ABLIM2: variants seen among roughly 807,000 people sequenced by gnomAD.
ABLIM2 encodes actin binding LIM protein family member 2.
A neutral mutation model predicts 97.7 loss-of-function variants in ABLIM2; 53 were observed. The ratio of observed to expected loss-of-function variants is 0.54; its 90% CI spans 0.44 to 0.68. The LOEUF is 0.68. Among genes scored for constraint, ABLIM2 ranks in the 30% least tolerant of loss-of-function variants. ABLIM2 has a pLI of 0.00. For missense variants in ABLIM2, 835 were observed against 867.2 expected (o/e 0.96, Z 0.47); for synonymous variants, 361 against 345.8 (o/e 1.04, Z -0.49).
chr4:8,047,753 C>G (rs1468132967), intron 8 of ABLIM2, among the ~76,000 whole-genome samples: 2 of 152,240 alleles, frequency 1.3e-5, no homozygotes, highest in African/African-American at 4.8e-5. Context: ...GCAACAGCTC[C>G]CTGAACGGGC....
chr4:8,073,222 G>T (rs1230245909), intron 6 of ABLIM2, among the ~76,000 whole-genome samples: 2 of 151,356 alleles, frequency 1.3e-5, no homozygotes, highest in Non-Finnish European at 2.9e-5. Context: ...AGGGGTGGGG[G>T]TGGTGTGCGG....
In ABLIM2 at chr4:8,044,694, A is replaced by ATCTCTCTCT. The variant is rs1560909749; in HGVS notation, c.900+469_900+470insAGAGAGAGA. 1.3e-4 allele frequency among the ~76,000 whole-genome samples: 20 copies of ATCTCTCTCT among 149,628 alleles called. No homozygotes were observed. Among genetic ancestry groups the ATCTCTCTCT allele is most frequent in the African/African-American group, 3.7e-4 (15 of 40,408 alleles). ...GTCTCTCTCTCTCTCTCTCTCTCGA[A>ATCTCTCTCT]CGAACGAAAACGGGATCACATAATT... On this transcript the variant is annotated intron_variant, in intron 9 of 20. Transcript: ENST00000447017. This position sits in a 1 kb window ranked among gnomAD's most constrained non-coding sequence, Gnocchi z 4.4.
chr4:8,136,861 G>T (rs1850263025), intron 1 of ABLIM2, among the ~76,000 whole-genome samples: 1 of 152,246 alleles, frequency 6.6e-6, no homozygotes, highest in African/African-American at 2.4e-5. Flanking sequence ...ACCAAGTCCT[G>T]TCACTCGCTA....
At chr4:8,050,665 G>C (rs527451644) in intron 8 of ABLIM2, among the ~76,000 whole-genome samples, 1 of 152,304 alleles carries the variant, frequency 6.6e-6, no homozygotes, top group East Asian at 1.9e-4. Flanking sequence ...CTCCTTAACT[G>C]GCTTGCACCT....
chr4:8,009,400 G>GT (rs1472408064), intron 14 of ABLIM2, among the ~76,000 whole-genome samples: 2 of 152,048 alleles, frequency 1.3e-5, no homozygotes, highest in East Asian at 1.9e-4. Context: ...ATTTTGTTTT[G>GT]TTTTTTGTTT....
At chr4:8,151,655 A>G (rs1712827657) in intron 1 of ABLIM2, among the ~76,000 whole-genome samples, 1 of 152,236 alleles carries the variant, frequency 6.6e-6, no homozygotes, top group African/African-American at 2.4e-5. Flanking sequence ...GTCAGAAGAA[A>G]GCAGGGTTGT....
Position 8,021,404 on chromosome 4 carries a change from A to C in ABLIM2, c.1268-1101T>G, listed in dbSNP as rs1773613018. ...ATGAGAGAAGGTGTACGCTCCCTGC[A>C]GAAGACACTCCCAAGGCCCCGTTCC... On this transcript the variant is annotated intron_variant, in intron 12 of 20. Transcript: ENST00000447017. The surrounding 1 kb of genome is among the most constrained non-coding windows in gnomAD (Gnocchi z 5.5). Among the ~76,000 whole-genome samples the C allele has an allele frequency of 6.6e-6, 1 of 152,150 alleles. No individual in the cohort carries two copies. The highest frequency in any genetic ancestry group is 2.1e-4 in the South Asian group (1 of 4,832).
chr4:8,094,229 A>C (rs1830262355), intron 3 of ABLIM2, among the ~76,000 whole-genome samples: 2 of 152,178 alleles, frequency 1.3e-5, no homozygotes, highest in African/African-American at 2.4e-5. Flanking sequence ...AAAATACTTA[A>C]ACATATTTAC....
At chr4:7,969,359 T>C (rs1725686952) in intron 20 of ABLIM2, among the ~76,000 whole-genome samples, 2 of 151,624 alleles carry the variant, frequency 1.3e-5, no homozygotes, top group South Asian at 4.2e-4. Flanking sequence ...GAGGCTGAGG[T>C]GGGAGGATCT....
rs1349778395 is a variant in ABLIM2, at chr4:8,069,215, C to T, written c.676-8161G>A. 2.6e-5 allele frequency among the ~76,000 whole-genome samples: 4 copies of T among 152,270 alleles called. No individual in the cohort carries two copies. In the East Asian group the frequency reaches 7.7e-4, roughly 29 times the overall value. ...TCATTCTCTGCTGTACCCCGGCGTC[C>T]CCTCCAGCAGTGGCACTGGCAGACG... On this transcript the variant is annotated intron_variant, in intron 6 of 20. Coordinates refer to ENST00000447017, the MANE Select transcript of ABLIM2 (RefSeq NM_001130083.2). This position sits in a 1 kb window ranked among gnomAD's most constrained non-coding sequence, Gnocchi z 4.2.
rs1002459321 is a variant in ABLIM2 at position 7,985,678 on chromosome 4, A to G, written c.1681-785T>C. Among the ~76,000 whole-genome samples, 3 of 152,012 alleles carry G rather than the reference A, an allele frequency of 2.0e-5. No individual in the cohort carries two copies. In the East Asian group the frequency reaches 5.8e-4, roughly 30 times the overall value. ...GCATGTCACCTGGCATGTTGTAAGT[A>G]CCCATACAGGGTGGCTGTGTCTCTG... On this transcript the variant is annotated intron_variant, in intron 17 of 20. Transcript: ENST00000447017.
In ABLIM2 at chr4:7,967,080, G is replaced by T. The variant is rs1350651020; in HGVS notation, c.1848C>A (p.Phe616Leu). The T allele has an allele frequency of 6.2e-7, 1 of 1,613,720 alleles. No homozygotes were observed. The highest frequency in any genetic ancestry group is 1.1e-5 in the South Asian group (1 of 91,078). ...RLERHLSPEEFQEVFGMSIEE... is the reference protein window; with the variant it reads ...RLERHLSPEELQEVFGMSIEE... ...CGATGCTCATCCCAAACACTTCCTG[G>T]AACTCCTCGGGCGACAAGTGTCTCT... is the stretch of plus-strand genomic sequence containing the variant. The change falls in exon 21 of 21, where the codon TTC becomes TTA. Residue 616 changes from phenylalanine (F) to leucine (L), a missense_variant. Coordinates refer to ENST00000447017, the MANE Select transcript of ABLIM2 (RefSeq NM_001130083.2).
rs567223005 is a variant in ABLIM2, at chr4:7,998,554, G to A, written c.1619-5627C>T. On this transcript the variant is annotated intron_variant, in intron 16 of 20. Transcript: ENST00000447017. This position sits in a 1 kb window ranked among gnomAD's most constrained non-coding sequence, Gnocchi z 6.4. ...GGTGGGGGTGGGAGATGCCTGCCAC[G>A]GGTGGAGACCATGCCCCTGGGTTCA... 588 of 457,472 alleles carry A rather than the reference G, an allele frequency of 1.3e-3. 3 individuals carry two copies. Among genetic ancestry groups the A allele is most frequent in the African/African-American group, 0.01 (515 of 50,334 alleles). The allele number at this position is 457,472 out of a possible 1,614,324, so 28.3% of individuals were successfully genotyped here.
intron 9 of ABLIM2, among the ~76,000 whole-genome samples, chr4:8,037,560 C>T (rs1785365473): frequency 6.6e-6 from 1 of 151,998 alleles, no homozygotes; most frequent in African/African-American, 2.4e-5. Flanking sequence ...AACCGGCACA[C>T]CCCCACACAC....
intron 8 of ABLIM2, among the ~76,000 whole-genome samples, chr4:8,052,192 A>G (rs1489578667): frequency 2.6e-5 from 4 of 152,314 alleles, no homozygotes; most frequent in Admixed American, 1.3e-4. Context: ...TGGTGTTCCC[A>G]TGCACACATG....
Position 8,068,218 on chromosome 4 carries a change from C to T in ABLIM2, c.676-7164G>A, listed in dbSNP as rs1203548737. On this transcript the variant is annotated intron_variant, in intron 6 of 20. Transcript: ENST00000447017. The surrounding 1 kb of genome is among the most constrained non-coding windows in gnomAD (Gnocchi z 4.5). ...AAGTCCCACCCTCGCCCGCGTGGGG[C>T]TCATGATGGCTCGGATTTCAAAATA... Among the ~76,000 whole-genome samples the T allele has an allele frequency of 1.3e-5, 2 of 152,174 alleles. No homozygotes were observed. Among genetic ancestry groups the T allele is most frequent in the Non-Finnish European group, 2.9e-5 (2 of 68,036 alleles).
At chr4:8,094,986 CTT>C (rs1222981199) in intron 3 of ABLIM2, among the ~76,000 whole-genome samples, 3 of 120,494 alleles carry the variant, frequency 2.5e-5, no homozygotes, top group Non-Finnish European at 3.5e-5. Flanking sequence ...CTTTCTTTCT[CTT>C]TCTTTTCCTT....
chr4:7,973,448 C>G (rs1466761198), intron 20 of ABLIM2, among the ~76,000 whole-genome samples: 2 of 150,702 alleles, frequency 1.3e-5, no homozygotes, highest in East Asian at 2.0e-4. Flanking sequence ...TTGCAGTAAG[C>G]TGAGATTGTG....
chr4:8,078,358 G>A (rs1486356338), intron 5 of ABLIM2, among the ~76,000 whole-genome samples: 2 of 152,256 alleles, frequency 1.3e-5, no homozygotes, highest in African/African-American at 4.8e-5. Context: ...CGTGCGGCCT[G>A]CCTGCTATGT....
Sources: gnomAD v4.1 joint callset for allele counts (sites outside exome capture counted in the v4.1 genomes callset) on GRCh38, gnomAD v4.1.1 for gene constraint, Gnocchi (gnomAD v3.1) non-coding constraint, MANE v1.5 for transcripts, NCBI Gene and HGNC (gene_info 2026-07-23, HGNC 2026-07-21) for gene names.